Variants in TET1 observed in about 807,000 individuals in gnomAD.
TET1 encodes methylcytosine dioxygenase TET1.
In TET1, 13 loss-of-function variants were observed where a neutral mutation model predicts 148.7. That is an observed-to-expected ratio of 0.09 (90% CI 0.06 to 0.14). The LOEUF (loss-of-function observed/expected upper bound fraction) is 0.14, where lower values mean the gene tolerates loss of function less well. Ranked by LOEUF, TET1 falls within the 10% of genes least tolerant of loss-of-function variation. The pLI, the probability that TET1 is intolerant of heterozygous loss-of-function variation, is 1.00. For missense variants in TET1, 2,182 were observed against 2,553.8 expected, an observed-to-expected ratio of 0.85 and a Z score of 3.14; for synonymous variants, 907 against 937.2, an observed-to-expected ratio of 0.97 and a Z score of 0.59.
At chr10:68,610,065 C>T (rs12774282) in intron 3 of TET1, among the ~76,000 whole-genome samples, 11,532 of 152,086 alleles carry the variant, frequency 0.076, 699 homozygotes, top group South Asian at 0.2. Context: ...AGGAGGATCA[C>T]GAGGTCAGGA....
At chr10:68,594,304 C>CA (rs2053953879) in intron 2 of TET1, among the ~76,000 whole-genome samples, 1 of 152,152 alleles carries the variant, frequency 6.6e-6, no homozygotes, top group Non-Finnish European at 1.5e-5. Flanking sequence ...CTAGTTGGTA[C>CA]AAAGAAGAGT....
chr10:68,661,395 T>A (rs974312173), intron 6 of TET1, among the ~76,000 whole-genome samples: 1 of 151,040 alleles, frequency 6.6e-6, no homozygotes, highest in Non-Finnish European at 1.5e-5. Context: ...ACATTATAGA[T>A]ATATTTCAAA....
At chr10:68,604,295 C>T (rs905334149) in intron 3 of TET1, among the ~76,000 whole-genome samples, 1 of 152,120 alleles carries the variant, frequency 6.6e-6, no homozygotes, top group Non-Finnish European at 1.5e-5. Flanking sequence ...TAGTCATTGT[C>T]CCTGGAGAAA....
chr10:68,677,852 TC>T (rs2133211354), intron 8 of TET1, among the ~76,000 whole-genome samples: 1 of 152,148 alleles, frequency 6.6e-6, no homozygotes, highest in Admixed American at 6.5e-5. Flanking sequence ...ACTCCCCACT[TC>T]AGGTGATTCG....
chr10:68,679,034 G>A (rs527427692), intron 8 of TET1, among the ~76,000 whole-genome samples: 5 of 151,916 alleles, frequency 3.3e-5, no homozygotes, highest in East Asian at 3.9e-4. Flanking sequence ...AAAATTATCC[G>A]GGCGTGGTGG....
At position 68,691,831 on chromosome 10, in the gene TET1, C is replaced by A; in HGVS notation, c.*17C>A. On this transcript the variant is annotated 3_prime_UTR_variant, in exon 12 of 12. Coordinates refer to ENST00000373644, the MANE Select transcript of TET1 (RefSeq NM_030625.3). This position sits in a 1 kb window ranked among gnomAD's most constrained non-coding sequence, Gnocchi z 4.4. ...TGGGTCTGAAGGCTTTTCTCCCCCT[C>A]TTAATGCCTTTGCTAGTGCAGTGTA... 1 of 1,591,334 alleles carries A rather than the reference C, an allele frequency of 6.3e-7. No homozygotes were observed. The highest frequency in any genetic ancestry group is 8.5e-7 in the Non-Finnish European group (1 of 1,169,942).
intron 2 of TET1, among the ~76,000 whole-genome samples, chr10:68,585,413 T>C (rs747785164): frequency 5.9e-5 from 9 of 152,086 alleles, no homozygotes; most frequent in Non-Finnish European, 8.8e-5. Flanking sequence ...GGATTACAGA[T>C]GTGAGCCACT....
Position 68,691,070 on chromosome 10 carries a change from T to G in TET1, c.5667T>G (p.Ser1889Arg). 6.2e-7 allele frequency: 1 copy of G among 1,614,212 alleles called. No individual in the cohort carries two copies. The highest frequency in any genetic ancestry group is 8.5e-7 in the Non-Finnish European group (1 of 1,180,032). The change falls in exon 12 of 12, where the codon AGT (serine) becomes AGG (arginine). Residue 1889 changes from serine to arginine, a missense_variant. Around this residue, in one of 11 missense-constraint regions of TET1, gnomAD observed 380 missense variants for 387.9 expected, o/e 0.98. Coordinates refer to ENST00000373644, the MANE Select transcript of TET1 (RefSeq NM_030625.3). The surrounding 1 kb of genome is among the most constrained non-coding windows in gnomAD (Gnocchi z 4.4). ...GTACGATGCCTTCGGGAAGACTCAG[T>G]GGTGCCAATGCAGCTGCTGCTGATG... ...PHCTMPSGRL[S>R]GANAAAADGP...
At chr10:68,589,673 T>G (rs1164589101) in intron 2 of TET1, among the ~76,000 whole-genome samples, 2 of 147,570 alleles carry the variant, frequency 1.4e-5, no homozygotes, top group Non-Finnish European at 3.0e-5. Context: ...TTTTTTTTTT[T>G]TTTTTTTTTT....
At chr10:68,634,029 C>T (rs952304439) in intron 3 of TET1, among the ~76,000 whole-genome samples, 21 of 152,120 alleles carry the variant, frequency 1.4e-4, no homozygotes, top group African/African-American at 4.8e-4. Flanking sequence ...GGACTTCAGG[C>T]ACGCACCACT....
At chr10:68,680,679 T>C (rs2055424107) in intron 8 of TET1, among the ~76,000 whole-genome samples, 1 of 152,208 alleles carries the variant, frequency 6.6e-6, no homozygotes, top group Admixed American at 6.5e-5. Flanking sequence ...TTTGAAAAAA[T>C]CTGATGTCTC....
At chr10:68,571,593 T>C (rs1338472555) in intron 1 of TET1, among the ~76,000 whole-genome samples, 2 of 150,864 alleles carry the variant, frequency 1.3e-5, no homozygotes, top group Admixed American at 6.6e-5. Flanking sequence ...AGAGATGGGG[T>C]TTCACCATGT....
At chr10:68,668,580 CTTG>C (rs1042871808) in intron 7 of TET1, among the ~76,000 whole-genome samples, 4 of 152,114 alleles carry the variant, frequency 2.6e-5, no homozygotes, top group Admixed American at 6.5e-5. Flanking sequence ...TGTTGTTGTT[CTTG>C]TTGTTTTGTT....
At chr10:68,612,356 G>A (rs778224176) in intron 3 of TET1, among the ~76,000 whole-genome samples, 4 of 151,780 alleles carry the variant, frequency 2.6e-5, no homozygotes, top group Non-Finnish European at 4.4e-5. Context: ...TTCCAAAGTG[G>A]TGAGATTACC....
At chr10:68,651,430 G>A (rs2054933499) in intron 4 of TET1, among the ~76,000 whole-genome samples, 1 of 151,796 alleles carries the variant, frequency 6.6e-6, no homozygotes, top group South Asian at 2.1e-4. Flanking sequence ...CAGCCTGGGC[G>A]ACAGAGCAAG....
chr10:68,661,225 G>GTTTTTTTTTTTTTT (rs1564498225), intron 6 of TET1, among the ~76,000 whole-genome samples: 6 of 94,834 alleles, frequency 6.3e-5, no homozygotes, highest in African/African-American at 1.9e-4. Flanking sequence ...TTTTTTTGTA[G>GTTTTTTTTTTTTTT]TTTTAGTAGA....
rs182130771 is a variant in TET1, at chr10:68,692,803, A to C, written c.*989A>C. ...GTTTCATCCCACCTTTCTCAGTATA[A>C]TCCATGAGAGGTGTTTCCAAAAGGA... On this transcript the variant is annotated 3_prime_UTR_variant, in exon 12 of 12. Coordinates refer to ENST00000373644, the MANE Select transcript of TET1 (RefSeq NM_030625.3). 1.3e-3 allele frequency: 290 copies of C among 231,556 alleles called. No homozygotes were observed. Among genetic ancestry groups the C allele is most frequent in the Non-Finnish European group, 2.2e-3 (258 of 117,092 alleles). The allele number at this position is 231,556 out of a possible 1,614,324, so 14.3% of individuals were successfully genotyped here.
At chr10:68,564,670 T>C (rs1298849259) in intron 1 of TET1, among the ~76,000 whole-genome samples, 3 of 152,206 alleles carry the variant, frequency 2.0e-5, no homozygotes, top group African/African-American at 7.2e-5. Context: ...TCATATCATG[T>C]TATCATGTAG....
Position 68,691,038 on chromosome 10 carries a change from C to A in TET1, c.5635C>A (p.Pro1879Thr). The A allele has an allele frequency of 6.2e-6, 10 of 1,614,162 alleles. No individual in the cohort carries two copies. Among genetic ancestry groups the A allele is most frequent in the South Asian group, 2.2e-5 (2 of 91,074 alleles). Residue 1879 changes from proline to threonine, a missense_variant, in exon 12 of 12, where the codon CCC (proline) becomes ACC (threonine). Around this residue, in one of 11 missense-constraint regions of TET1, gnomAD observed 380 missense variants for 387.9 expected, o/e 0.98. Coordinates refer to ENST00000373644, the MANE Select transcript of TET1 (RefSeq NM_030625.3). The surrounding 1 kb of genome is among the most constrained non-coding windows in gnomAD (Gnocchi z 4.4). ...CGGGTTTTCAGAAAGAAGCAGCACT[C>A]CCCACTGTACGATGCCTTCGGGAAG... ...SCGFSERSST[P>T]HCTMPSGRLS...
Sources: gnomAD v4.1 joint callset for allele counts (sites outside exome capture counted in the v4.1 genomes callset) on GRCh38, gnomAD v4.1.1 for gene constraint, gnomAD v4.1.1 regional missense constraint, Gnocchi (gnomAD v3.1) non-coding constraint, MANE v1.5 for transcripts, NCBI Gene and HGNC (gene_info 2026-07-23, HGNC 2026-07-21) for gene names.